The following DIMT1 variants were observed in gnomAD, a reference collection of about 807,000 sequenced individuals.
DIMT1 encodes dimethyladenosine transferase.
Under a neutral mutation model 43.2 loss-of-function variants are expected in DIMT1, and 36 were observed. That is an observed-to-expected ratio of 0.83 (90% CI 0.64 to 1.10). The LOEUF is 1.10. DIMT1 is among the 50% of genes least tolerant of loss of function. DIMT1 has a pLI of 0.00. For missense variants in DIMT1, 341 were observed against 385.3 expected, an observed-to-expected ratio of 0.88 and a Z score of 0.96; for synonymous variants, 126 against 130.3, an observed-to-expected ratio of 0.97 and a Z score of 0.22.
rs184990762 is a variant in DIMT1 at position 62,389,773 on chromosome 5, A to G, written c.900-721T>C. On this transcript the variant is annotated intron_variant, in intron 11 of 11. Transcript: ENST00000199320. ...TTGTTTATATTCAAATTAAATACACATTGTTTCTCTCTGTAGATACCTATG... is the reference window on the plus strand; with the variant it reads ...TTGTTTATATTCAAATTAAATACACGTTGTTTCTCTCTGTAGATACCTATG... 6.5e-4 allele frequency among the ~76,000 whole-genome samples: 99 copies of G among 152,280 alleles called. 1 individual carries two copies. In the East Asian group the frequency reaches 0.015, roughly 23 times the overall value.
In DIMT1 at chr5:62,403,341, T is replaced by A; in HGVS notation, c.85A>T (p.Met29Leu). 6.2e-7 allele frequency: 1 copy of A among 1,613,772 alleles called. No individual in the cohort carries two copies. Among genetic ancestry groups the A allele is most frequent in the Non-Finnish European group, 8.5e-7 (1 of 1,179,734 alleles). The change falls in exon 2 of 12, where the codon ATG (methionine) becomes TTG (leucine). Residue 29 changes from methionine to leucine, a missense_variant. Transcript: ENST00000199320. ...RRELKSAGGL[M>L]FNTGIGQHIL... is the part of the protein sequence containing the mutation. Reference sequence around the variant, plus strand: ...TGCTGCCCAATCCCCGTGTTGAACATGAGTCCTGTAAGAAAATACGAAACA... The same window carrying A: ...TGCTGCCCAATCCCCGTGTTGAACAAGAGTCCTGTAAGAAAATACGAAACA...
chr5:62,392,594 GGTTA>G (rs2112037511), intron 9 of DIMT1, among the ~76,000 whole-genome samples: 1 of 152,168 alleles, frequency 6.6e-6, no homozygotes, highest in Admixed American at 6.5e-5. Flanking sequence ...CATTTTCCCA[GGTTA>G]ATTACATGAC....
At chr5:62,396,139 G>GTTTGTTTTTTTTTTTTTTTTTTTT (rs1742479986) in intron 6 of DIMT1, among the ~76,000 whole-genome samples, 2 of 116,746 alleles carry the variant, frequency 1.7e-5, no homozygotes, top group Non-Finnish European at 3.4e-5. Flanking sequence ...GTCACTGCAG[G>GTTTGTTTTTTTTTTTTTTTTTTTT]TTTTTTTTTT....
chr5:62,402,594 T>G lies in DIMT1; in HGVS notation c.154-472A>C, dbSNP rs78788342. On this transcript the variant is annotated intron_variant, in intron 2 of 11. Transcript: ENST00000199320. ...CTCTAATATTCTACGGCCATAGCTT[T>G]CATCAGATGCTCAAAGGAAACTATG... Among the ~76,000 whole-genome samples, 577 of 152,332 alleles carry G rather than the reference T, an allele frequency of 3.8e-3. 2 individuals carry two copies. The highest frequency in any genetic ancestry group is 0.013 in the African/African-American group (551 of 41,572).
Position 62,399,761 on chromosome 5 carries a change from C to G in DIMT1, c.241-880G>C, listed in dbSNP as rs144117580. On this transcript the variant is annotated intron_variant, in intron 3 of 11. Coordinates refer to ENST00000199320, the MANE Select transcript of DIMT1 (RefSeq NM_014473.4). ...CTCTACTAACAAATTCAAAAATTATCTGGGCGTGGCGGCACGTGCCTGTAA... is the reference window on the plus strand; with the variant it reads ...CTCTACTAACAAATTCAAAAATTATGTGGGCGTGGCGGCACGTGCCTGTAA... 2.3e-3 allele frequency among the ~76,000 whole-genome samples: 354 copies of G among 151,908 alleles called. 1 individual carries two copies. The highest frequency in any genetic ancestry group is 8.1e-3 in the African/African-American group (337 of 41,434).
At chr5:62,395,134 C>G (rs973642585) in intron 6 of DIMT1, among the ~76,000 whole-genome samples, 6 of 151,842 alleles carry the variant, frequency 4.0e-5, no homozygotes, top group Non-Finnish European at 7.4e-5. Flanking sequence ...AAGTGATCCT[C>G]GTTCCTCAGC....
chr5:62,394,003 ACTGGATTCCAC>A lies in DIMT1; in HGVS notation c.604_614del (p.Val202CysfsTer7). 1 of 1,612,540 alleles carries A rather than the reference ACTGGATTCCAC, an allele frequency of 6.2e-7. No homozygotes were observed. Among genetic ancestry groups the A allele is most frequent in the Non-Finnish European group, 8.5e-7 (1 of 1,179,588 alleles). On this transcript the variant is annotated frameshift_variant, in exon 8 of 12. Transcript: ENST00000199320. LOFTEE classifies it high-confidence loss of function. ...GATTCTTAGGTTCTATCCTTACAAC[ACTGGATTCCAC>A]CTTGGGCGGTGGTCTGAAGTTATTC...
Position 62,398,513 on chromosome 5 carries a change from GA to G in DIMT1, c.443del (p.Phe148SerfsTer41). 5 of 1,611,954 alleles carry G rather than the reference GA, an allele frequency of 3.1e-6. No homozygotes were observed. Among genetic ancestry groups the G allele is most frequent in the African/African-American group, 1.3e-5 (1 of 74,970 alleles). ...AACTCTAGTCTTTTGTCACAAACCT[GA>G]AAAAAGGTCGATGTAGCAACAGCTT... ...VFKLLLHRPF[F>X]RCAILMFQRE... On this transcript the variant is annotated frameshift_variant, in exon 6 of 12. Transcript: ENST00000199320. LOFTEE classifies it high-confidence loss of function.
rs371596528 is a variant in DIMT1 at position 62,398,679 on chromosome 5, G to A, written c.363C>T (p.Phe121=). Residue 121 remains phenylalanine (F), a synonymous_variant, in exon 5 of 12, where the codon TTC becomes TTT. Coordinates refer to ENST00000199320, the MANE Select transcript of DIMT1 (RefSeq NM_014473.4). ...GCAAATTTGCCACACAAGTATCAAAGAATGGCAAATCTGTTTTCAGCACAT... is the reference window on the plus strand; with the variant it reads ...GCAAATTTGCCACACAAGTATCAAAAAATGGCAAATCTGTTTTCAGCACAT... ...VGDVLKTDLP[F]FDTCVANLPY... is the part of the protein sequence containing the mutation. 5.0e-6 allele frequency: 8 copies of A among 1,614,072 alleles called. No homozygotes were observed. In the African/African-American group the frequency reaches 1.1e-4, roughly 22 times the overall value.
chr5:62,400,296 G>A (rs1015468846), intron 3 of DIMT1, among the ~76,000 whole-genome samples: 7 of 152,224 alleles, frequency 4.6e-5, no homozygotes, highest in African/African-American at 1.2e-4. Flanking sequence ...TGCCCAGGCT[G>A]GAGTGAAGTG....
intron 11 of DIMT1, among the ~76,000 whole-genome samples, chr5:62,389,925 AC>A (rs1742223645): frequency 6.6e-6 from 1 of 152,220 alleles, no homozygotes; most frequent in African/African-American, 2.4e-5. Flanking sequence ...GCCCATAGAA[AC>A]AGGTCCAGAT....
At chr5:62,394,824 T>C (rs929052428) in intron 6 of DIMT1, among the ~76,000 whole-genome samples, 4 of 152,138 alleles carry the variant, frequency 2.6e-5, no homozygotes, top group Admixed American at 6.5e-5. Flanking sequence ...AGCTTGCAAA[T>C]ATAAGCCTTT....
At chr5:62,400,835 T>C (rs1742676260) in intron 3 of DIMT1, among the ~76,000 whole-genome samples, 1 of 152,128 alleles carries the variant, frequency 6.6e-6, no homozygotes, top group South Asian at 2.1e-4. Flanking sequence ...CATGGCTCAC[T>C]GGAGCCTCAA....
In DIMT1 at chr5:62,403,801, G is replaced by C; in HGVS notation, c.-29C>G. The stretch of plus-strand genomic sequence containing the variant: ...GGCAGAAAGCGGGCCCACAGGCCCG[G>C]GACGTCAAGGAGGACCAAAGAGGGC... On this transcript the variant is annotated 5_prime_UTR_variant, in exon 1 of 12. Transcript: ENST00000199320. 6.2e-7 allele frequency: 1 copy of C among 1,603,520 alleles called. No homozygotes were observed. Among genetic ancestry groups the C allele is most frequent in the South Asian group, 1.1e-5 (1 of 90,278 alleles).
chr5:62,394,457 A>G, intron 7 of DIMT1, 27 bp downstream of exon 7: 1 of 1,611,618 alleles, frequency 6.2e-7, no homozygotes, highest in Non-Finnish European at 8.5e-7. Flanking sequence ...TCTCAGAAAA[A>G]AGAGAAAGAA....
rs1742774682 is a variant in DIMT1, at chr5:62,403,273, C to T, written c.153G>A (p.Lys51=). 1 of 1,613,418 alleles carries T rather than the reference C, an allele frequency of 6.2e-7. No individual in the cohort carries two copies. The highest frequency in any genetic ancestry group is 8.5e-7 in the Non-Finnish European group (1 of 1,179,396). ...NPLIINSIID[K]AALRPTDVVL... ...TCTCCCTTTCCTCTTCCACACCCAC[C>T]TTATCGATAATGCTGTTAATAATGA... The change falls in exon 2 of 12, where the codon AAG becomes AAA. Residue 51 remains lysine, a splice_region_variant and synonymous_variant. Coordinates refer to ENST00000199320, the MANE Select transcript of DIMT1 (RefSeq NM_014473.4).
rs148181901 is a variant in DIMT1 at position 62,395,054 on chromosome 5, C to G, written c.447-447G>C. On this transcript the variant is annotated intron_variant, in intron 6 of 11. Coordinates refer to ENST00000199320, the MANE Select transcript of DIMT1 (RefSeq NM_014473.4). ...TTTTTTTTTTTTTGAGACGGAGTTT[C>G]GCTCTTGTCGCCCAGGCTGGAGTGC... 6.6e-3 allele frequency among the ~76,000 whole-genome samples: 959 copies of G among 144,554 alleles called. 8 individuals carry two copies. Among genetic ancestry groups the G allele is most frequent in the African/African-American group, 0.023 (925 of 39,558 alleles). 94.8% of individuals were successfully genotyped at this position (144,554 alleles called of 152,430 possible). A position where few individuals can be genotyped will look rare whatever the true frequency, so the allele number is the denominator to read the frequency against.
chr5:62,397,940 A>G (rs2112048700), intron 6 of DIMT1, among the ~76,000 whole-genome samples: 1 of 152,240 alleles, frequency 6.6e-6, no homozygotes, highest in East Asian at 1.9e-4. Context: ...GACTCCATAA[A>G]CTTTTTGTAA....
rs1053503291 is a variant in DIMT1, at chr5:62,403,734, G to A, written c.39C>T (p.Arg13=). 3.1e-6 allele frequency: 5 copies of A among 1,609,286 alleles called. No individual in the cohort carries two copies. The highest frequency in any genetic ancestry group is 1.7e-5 in the Admixed American group (1 of 59,788). ...KVKSGAIGRR[R]GRQEQRRELK... ...GCTCCCGGCGCTGCTCCTGCCGCCC[G>A]CGGCGGCGGCCGATGGCCCCCGACT... Residue 13 remains arginine (R), a synonymous_variant, in exon 1 of 12, where the codon CGC becomes CGT. Coordinates refer to ENST00000199320, the MANE Select transcript of DIMT1 (RefSeq NM_014473.4).
Sources: gnomAD v4.1 joint callset for allele counts (sites outside exome capture counted in the v4.1 genomes callset) on GRCh38, gnomAD v4.1.1 for gene constraint, MANE v1.5 for transcripts, NCBI Gene and HGNC (gene_info 2026-07-23, HGNC 2026-07-21) for gene names.